The following GMDS variants were observed in gnomAD, a reference collection of about 807,000 sequenced individuals.
The protein encoded by GMDS is GDP-mannose 4,6 dehydratase.
In GMDS, 20 loss-of-function variants were observed where a neutral mutation model predicts 49.9. That is an observed-to-expected ratio of 0.40 (90% CI 0.28 to 0.58). GMDS has a LOEUF of 0.58. GMDS is among the 20% of genes least tolerant of loss of function. The probability of loss-of-function intolerance (pLI) is 0.42; values close to 1 mark genes in which losing one functional copy is unlikely to be tolerated. For missense variants in GMDS, 362 were observed against 481.4 expected, an observed-to-expected ratio of 0.75 and a Z score of 2.32; for synonymous variants, 177 against 178.6, an observed-to-expected ratio of 0.99 and a Z score of 0.07.
intron 1 of GMDS, among the ~76,000 whole-genome samples, chr6:2,204,726 T>C (rs2127578852): frequency 6.6e-6 from 1 of 152,314 alleles, no homozygotes; most frequent in African/African-American, 2.4e-5. Flanking sequence ...ACTTCCCTAG[T>C]GGACAGGTTA....
At chr6:1,814,172 C>A (rs1285579509) in intron 7 of GMDS, among the ~76,000 whole-genome samples, 1 of 152,148 alleles carries the variant, frequency 6.6e-6, no homozygotes, top group African/African-American at 2.4e-5. Flanking sequence ...TGATTAAATG[C>A]AATGTGGCTA....
Position 1,708,588 on chromosome 6 carries a change from G to C in GMDS, c.987+17828C>G, listed in dbSNP as rs1441068859. 2.0e-5 allele frequency among the ~76,000 whole-genome samples: 3 copies of C among 152,250 alleles called. No individual in the cohort carries two copies. The East Asian group carries it at 5.8e-4, about 29-fold the overall frequency. ...TGGTGCATCAAATGGTTTAGATCTT[G>C]GGAAAAGCAGGTTTGGGTTTTCCTC... On this transcript the variant is annotated intron_variant, in intron 9 of 10. Transcript: ENST00000380815.
At chr6:2,070,324 C>T (rs1212236742) in intron 4 of GMDS, among the ~76,000 whole-genome samples, 5 of 149,390 alleles carry the variant, frequency 3.3e-5, no homozygotes, top group East Asian at 2.0e-4. Flanking sequence ...TGCTAGATGA[C>T]GAGTTAGTGG....
At chr6:1,655,992 C>G (rs1465799384) in intron 9 of GMDS, among the ~76,000 whole-genome samples, 1 of 152,148 alleles carries the variant, frequency 6.6e-6, no homozygotes, top group Non-Finnish European at 1.5e-5. Flanking sequence ...CATGTGGAGG[C>G]TGAGGCACAT....
intron 4 of GMDS, among the ~76,000 whole-genome samples, chr6:2,059,793 C>T (rs1198750756): frequency 6.7e-6 from 1 of 148,358 alleles, no homozygotes; most frequent in Non-Finnish European, 1.5e-5. Context: ...TTTAAACTTA[C>T]CAACCCCAAA....
At chr6:2,238,157 C>T (rs933084270) in intron 1 of GMDS, among the ~76,000 whole-genome samples, 4 of 151,298 alleles carry the variant, frequency 2.6e-5, no homozygotes, top group Non-Finnish European at 5.9e-5. Context: ...GAGGCCAAGA[C>T]CAGAGGATTG....
intron 4 of GMDS, among the ~76,000 whole-genome samples, chr6:2,086,263 AGGCT>A (rs1229463942): frequency 1.3e-5 from 2 of 152,208 alleles, no homozygotes; most frequent in African/African-American, 4.8e-5. Context: ...ACTGACCTAG[AGGCT>A]GGCAGTTTCA....
chr6:2,200,218 G>C (rs1044547139), intron 1 of GMDS, among the ~76,000 whole-genome samples: 1 of 152,178 alleles, frequency 6.6e-6, no homozygotes, highest in African/African-American at 2.4e-5. Flanking sequence ...TGTGCCAGGT[G>C]ATGAAAAGTG....
chr6:2,025,930 A>C (rs940677124), intron 4 of GMDS, among the ~76,000 whole-genome samples: 2 of 152,202 alleles, frequency 1.3e-5, no homozygotes, highest in African/African-American at 4.8e-5. Context: ...AAGATGTTAC[A>C]TCTTTTTTGT....
intron 4 of GMDS, among the ~76,000 whole-genome samples, chr6:1,989,788 T>C (rs1276018443): frequency 6.6e-6 from 1 of 152,262 alleles, no homozygotes; most frequent in Non-Finnish European, 1.5e-5. Context: ...CTGTCCAGCC[T>C]GGCCCTGCCT....
intron 1 of GMDS, among the ~76,000 whole-genome samples, chr6:2,172,926 A>G (rs1044430035): frequency 2.0e-5 from 3 of 152,228 alleles, no homozygotes; most frequent in Admixed American, 1.3e-4. Context: ...CATTCATGAA[A>G]CATTTGTAAA....
intron 4 of GMDS, among the ~76,000 whole-genome samples, chr6:2,000,034 TC>T (rs1766693332): frequency 1.8e-4 from 4 of 22,728 alleles, no homozygotes; most frequent in African/African-American, 2.8e-4. Context: ...TATATCTATA[TC>T]TTTTTTTTTT....
intron 9 of GMDS, among the ~76,000 whole-genome samples, chr6:1,664,243 C>T (rs554180217): frequency 6.6e-6 from 1 of 152,298 alleles, no homozygotes; most frequent in South Asian, 2.1e-4. Context: ...CTACTTGAAT[C>T]TTGTGTCAGC....
intron 4 of GMDS, among the ~76,000 whole-genome samples, chr6:2,035,437 T>A (rs555452758): frequency 2.2e-4 from 34 of 152,252 alleles, no homozygotes; most frequent in African/African-American, 7.5e-4. Context: ...TTCCAAGGAT[T>A]CACCACTATA....
At chr6:1,793,984 G>A (rs970756934) in intron 7 of GMDS, among the ~76,000 whole-genome samples, 1 of 152,142 alleles carries the variant, frequency 6.6e-6, no homozygotes, top group African/African-American at 2.4e-5. Flanking sequence ...ACTTACGTGG[G>A]AATAACTTCA....
intron 4 of GMDS, among the ~76,000 whole-genome samples, chr6:2,019,196 A>T (rs529129786): frequency 1.3e-5 from 2 of 151,440 alleles, no homozygotes; most frequent in African/African-American, 4.8e-5. Flanking sequence ...AATAATTTTT[A>T]GTGGATTCCT....
chr6:1,852,809 C>T (rs1260900616), intron 7 of GMDS, among the ~76,000 whole-genome samples: 4 of 151,710 alleles, frequency 2.6e-5, no homozygotes, highest in Admixed American at 6.6e-5. Context: ...CGGGTTCAAG[C>T]GATTTTCCTG....
chr6:2,099,912 C>T (rs1773827808), intron 4 of GMDS, among the ~76,000 whole-genome samples: 1 of 151,990 alleles, frequency 6.6e-6, no homozygotes, highest in Non-Finnish European at 1.5e-5. Context: ...TTAGACAGGA[C>T]ATGTAATTTA....
At chr6:1,680,931 T>G (rs538472257) in intron 9 of GMDS, among the ~76,000 whole-genome samples, 1 of 151,898 alleles carries the variant, frequency 6.6e-6, no homozygotes, top group African/African-American at 2.4e-5. Flanking sequence ...CATCAGTGGG[T>G]GAGACAGAAT....
Sources: allele counts gnomAD v4.1 joint callset (sites outside exome capture counted in the v4.1 genomes callset), GRCh38; gene constraint gnomAD v4.1.1; transcripts MANE v1.5; gene names NCBI Gene and HGNC (gene_info 2026-07-23, HGNC 2026-07-21).